The following ARHGAP15 variants were observed in gnomAD, a reference collection of about 807,000 sequenced individuals.
ARHGAP15 encodes rho GTPase-activating protein 15.
In ARHGAP15, 51 loss-of-function variants were observed where a neutral mutation model predicts 63.7. The observed-to-expected ratio is 0.80, with a 90% CI of 0.64 to 1.01. The LOEUF (loss-of-function observed/expected upper bound fraction) is 1.01. Ranked by LOEUF, ARHGAP15 falls within the 50% of genes least tolerant of loss-of-function variation. ARHGAP15 has a pLI of 0.00. For synonymous variants in ARHGAP15, 191 were observed against 193.8 expected, an observed-to-expected ratio of 0.99 and a Z score of 0.12; for missense variants, 560 against 564.6, an observed-to-expected ratio of 0.99 and a Z score of 0.08.
intron 12 of ARHGAP15, among the ~76,000 whole-genome samples, chr2:143,653,241 ATATTCATT>A (rs1263755524): frequency 6.6e-6 from 1 of 152,118 alleles, no homozygotes; most frequent in Non-Finnish European, 1.5e-5. Context: ...TGGTCATGAT[ATATTCATT>A]TTTGAGTTTC....
In ARHGAP15 at chr2:143,300,019, C is replaced by T. The variant is rs145986328; in HGVS notation, c.474+49419C>T. 3.0e-3 allele frequency among the ~76,000 whole-genome samples: 451 copies of T among 152,102 alleles called. 4 individuals are homozygous for T. Among genetic ancestry groups the T allele is most frequent in the African/African-American group, 0.01 (433 of 41,520 alleles). ...TGTAAATGAGGCAGCAAGATACTTA[C>T]CTCATGTGATTTTGTTTAATAACAT... On this transcript the variant is annotated intron_variant, in intron 6 of 13. Coordinates refer to ENST00000295095, the MANE Select transcript of ARHGAP15 (RefSeq NM_018460.4).
intron 6 of ARHGAP15, among the ~76,000 whole-genome samples, chr2:143,414,415 A>G (rs1688590955): frequency 6.6e-6 from 1 of 152,042 alleles, no homozygotes; most frequent in Non-Finnish European, 1.5e-5. Context: ...TTTGCATAAA[A>G]CTCCATTAAT....
chr2:143,312,105 G>C (rs1384468067), intron 6 of ARHGAP15, among the ~76,000 whole-genome samples: 1 of 152,062 alleles, frequency 6.6e-6, no homozygotes, highest in Non-Finnish European at 1.5e-5. Context: ...ATGAACAAAA[G>C]ATTTCAGAAT....
Position 143,507,691 on chromosome 2 carries a change from C to G in ARHGAP15, c.827-11575C>G, listed in dbSNP as rs775644884. ...TATTGATTTCATGTCTTTTGGGGTG[C>G]TTGGTACATATCTCAGATTTATCTA... On this transcript the variant is annotated intron_variant, in intron 9 of 13. Transcript: ENST00000295095. Among the ~76,000 whole-genome samples the G allele has an allele frequency of 4.5e-4, 69 of 152,258 alleles. 1 individual carries two copies. The highest frequency in any genetic ancestry group is 3.9e-4 in the Admixed American group (6 of 15,290).
chr2:143,682,849 G>T (rs141648602), intron 12 of ARHGAP15: 1 of 151,978 alleles, frequency 6.6e-6, no homozygotes, highest in East Asian at 1.9e-4. Context: ...CTCCTTTTTC[G>T]CAGGAGTTCT....
intron 12 of ARHGAP15, among the ~76,000 whole-genome samples, chr2:143,645,327 A>G (rs1023162632): frequency 1.3e-5 from 2 of 152,072 alleles, no homozygotes; most frequent in Non-Finnish European, 2.9e-5. Flanking sequence ...GATTTGTACC[A>G]TATAATTATT....
intron 8 of ARHGAP15, among the ~76,000 whole-genome samples, chr2:143,476,008 A>G (rs979763403): frequency 6.6e-6 from 1 of 152,216 alleles, no homozygotes; most frequent in African/African-American, 2.4e-5. Flanking sequence ...CCCTGTTTTT[A>G]TCAAAAGTGA....
At chr2:143,462,488 A>G (rs567406092) in intron 8 of ARHGAP15, among the ~76,000 whole-genome samples, 4 of 152,332 alleles carry the variant, frequency 2.6e-5, no homozygotes, top group Admixed American at 2.6e-4. Context: ...TTCCCAGTAG[A>G]TATTTACAGA....
At chr2:143,315,023 A>G (rs1683631149) in intron 6 of ARHGAP15, among the ~76,000 whole-genome samples, 4 of 152,204 alleles carry the variant, frequency 2.6e-5, no homozygotes, top group Admixed American at 2.6e-4. Context: ...TTATGTATGT[A>G]TGTGGGTATC....
intron 6 of ARHGAP15, among the ~76,000 whole-genome samples, chr2:143,260,261 T>C (rs1680651556): frequency 6.6e-6 from 1 of 152,190 alleles, no homozygotes; most frequent in African/African-American, 2.4e-5. Context: ...TTCTCAAGCA[T>C]CAGTGTATTA....
intron 13 of ARHGAP15, among the ~76,000 whole-genome samples, chr2:143,760,660 A>G (rs897598083): frequency 4.6e-5 from 7 of 152,160 alleles, no homozygotes; most frequent in African/African-American, 1.7e-4. Flanking sequence ...AATAAATGCA[A>G]ATAATCTGGC....
At chr2:143,374,264 T>G (rs1686707410) in intron 6 of ARHGAP15, among the ~76,000 whole-genome samples, 1 of 152,136 alleles carries the variant, frequency 6.6e-6, no homozygotes, top group Admixed American at 6.5e-5. Flanking sequence ...ATAGGTGGAT[T>G]ATGGGATATT....
chr2:143,154,770 A>AT (rs1038880327), intron 1 of ARHGAP15, among the ~76,000 whole-genome samples: 5 of 151,750 alleles, frequency 3.3e-5, no homozygotes, highest in Non-Finnish European at 5.9e-5. Context: ...TCCAAATTCT[A>AT]TTTTTTCTCA....
chr2:143,232,365 A>G (rs908197658), intron 5 of ARHGAP15, among the ~76,000 whole-genome samples: 6 of 152,162 alleles, frequency 3.9e-5, no homozygotes, highest in Non-Finnish European at 8.8e-5. Context: ...TCTTTTGCTC[A>G]TCAAGACAGG....
chr2:143,291,448 G>A (rs1682396038), intron 6 of ARHGAP15, among the ~76,000 whole-genome samples: 1 of 55,462 alleles, frequency 1.8e-5, no homozygotes. Context: ...ATACATTTGT[G>A]TGTGTTCTAA....
intron 3 of ARHGAP15, among the ~76,000 whole-genome samples, chr2:143,211,916 A>T (rs1301812477): frequency 2.6e-5 from 4 of 152,166 alleles, no homozygotes. Context: ...AGAGAACAAT[A>T]ACTTAAATAC....
At chr2:143,756,018 T>C (rs780767388) in intron 13 of ARHGAP15, among the ~76,000 whole-genome samples, 1 of 151,934 alleles carries the variant, frequency 6.6e-6, no homozygotes, top group Non-Finnish European at 1.5e-5. Flanking sequence ...ATTAAGCGCA[T>C]ACAAACTGAA....
At chr2:143,548,835 TATG>T (rs1695439587) in intron 10 of ARHGAP15, among the ~76,000 whole-genome samples, 1 of 151,810 alleles carries the variant, frequency 6.6e-6, no homozygotes, top group Non-Finnish European at 1.5e-5. Flanking sequence ...ATAGCAGAAA[TATG>T]AGGAAGGTAG....
At chr2:143,153,932 A>G (rs1183202746) in intron 1 of ARHGAP15, among the ~76,000 whole-genome samples, 1 of 129,044 alleles carries the variant, frequency 7.7e-6, no homozygotes, top group Non-Finnish European at 1.6e-5. Context: ...GGTTTCTTTC[A>G]CTCAGCGGAA....
Sources: gnomAD v4.1 joint callset for allele counts (sites outside exome capture counted in the v4.1 genomes callset) on GRCh38, gnomAD v4.1.1 for gene constraint, MANE v1.5 for transcripts, NCBI Gene and HGNC (gene_info 2026-07-23, HGNC 2026-07-21) for gene names.